The following CRYL1 variants were observed in gnomAD, a reference collection of about 807,000 sequenced individuals.
CRYL1 encodes the protein lambda-crystallin homolog.
A neutral mutation model predicts 36.6 loss-of-function variants in CRYL1; 29 were observed. That is an observed-to-expected ratio of 0.79 (90% CI 0.59 to 1.08). The LOEUF (loss-of-function observed/expected upper bound fraction) is 1.08. Ranked by LOEUF, CRYL1 falls within the 50% of genes least tolerant of loss-of-function variation. The probability of loss-of-function intolerance (pLI) is 0.00; values close to 1 mark genes in which losing one functional copy is unlikely to be tolerated. For synonymous variants in CRYL1, 152 were observed against 151.5 expected (o/e 1.00, Z -0.02); for missense variants, 411 against 407.9 (o/e 1.01, Z -0.06).
intron 1 of CRYL1, among the ~76,000 whole-genome samples, chr13:20,520,826 C>T (rs532108594): frequency 6.6e-6 from 1 of 152,248 alleles, no homozygotes; most frequent in Admixed American, 6.5e-5. Flanking sequence ...TGGACCCGGG[C>T]CGGGCACGGT....
intron 2 of CRYL1, among the ~76,000 whole-genome samples, chr13:20,490,057 T>A (rs1433073061): frequency 6.6e-6 from 1 of 152,142 alleles, no homozygotes; most frequent in African/African-American, 2.4e-5. Context: ...GGAAAAATAC[T>A]GTGTGATTCC....
Position 20,481,188 on chromosome 13 carries a change from C to T in CRYL1, c.276+8182G>A, listed in dbSNP as rs932576218. 6.6e-6 allele frequency among the ~76,000 whole-genome samples: 1 copy of T among 152,184 alleles called. No individual in the cohort carries two copies. On this transcript the variant is annotated intron_variant, in intron 3 of 7. Coordinates refer to ENST00000298248, the MANE Select transcript of CRYL1 (RefSeq NM_015974.3). The surrounding 1 kb of genome is among the most constrained non-coding windows in gnomAD (Gnocchi z 4.1). ...GAAGGCTCGTGCTTCCAGATGATCT[C>T]GTGAGTGTGTGAGGTGGGCTTGCCC...
At chr13:20,419,783 G>A (rs946758809) in intron 5 of CRYL1, among the ~76,000 whole-genome samples, 4 of 152,116 alleles carry the variant, frequency 2.6e-5, no homozygotes, top group African/African-American at 9.7e-5. Context: ...TTGGAATTAT[G>A]AGTTTGTTCC....
At chr13:20,426,853 C>T (rs932697375) in intron 5 of CRYL1, 13 of 985,416 alleles carry the variant, frequency 1.3e-5, no homozygotes, top group Middle Eastern at 5.2e-4. Context: ...CCCACCCTGA[C>T]AAATCAAGAG....
intron 3 of CRYL1, among the ~76,000 whole-genome samples, chr13:20,457,423 C>T (rs2032715218): frequency 6.6e-6 from 1 of 152,172 alleles, no homozygotes; most frequent in Non-Finnish European, 1.5e-5. Flanking sequence ...ATCCTGGCCA[C>T]ACCCTAATAA....
chr13:20,421,763 G>C (rs1342014201), intron 5 of CRYL1, among the ~76,000 whole-genome samples: 2 of 150,176 alleles, frequency 1.3e-5, no homozygotes, highest in African/African-American at 4.9e-5. Context: ...ATTGCTAGAA[G>C]GTGTTATAGT....
chr13:20,519,129 T>G (rs1050065663), intron 1 of CRYL1, among the ~76,000 whole-genome samples: 1 of 152,202 alleles, frequency 6.6e-6, no homozygotes, highest in Admixed American at 6.5e-5. Context: ...GGGTGAGATC[T>G]CTAAGAAAGT....
Position 20,525,798 on chromosome 13 carries a change from T to A in CRYL1, c.-4A>T. ...AGCCGGCCGCGGAGGACGCCATGGTTGGGCCGGGGACGCGGCGCCGCGGGC... is the reference window on the plus strand; with the variant it reads ...AGCCGGCCGCGGAGGACGCCATGGTAGGGCCGGGGACGCGGCGCCGCGGGC... On this transcript the variant is annotated 5_prime_UTR_variant, in exon 1 of 8. Coordinates refer to ENST00000298248, the MANE Select transcript of CRYL1 (RefSeq NM_015974.3). The surrounding 1 kb of genome is among the most constrained non-coding windows in gnomAD (Gnocchi z 4.3). 1 of 1,260,014 alleles carries A rather than the reference T, an allele frequency of 7.9e-7. No homozygotes were observed. The highest frequency in any genetic ancestry group is 1.0e-6 in the Non-Finnish European group (1 of 1,001,812). The allele number at this position is 1,260,014 out of a possible 1,614,324, so 78.1% of individuals were successfully genotyped here.
At chr13:20,507,956 C>G (rs1009924729) in intron 2 of CRYL1, among the ~76,000 whole-genome samples, 2 of 151,532 alleles carry the variant, frequency 1.3e-5, no homozygotes, top group South Asian at 4.2e-4. Context: ...AAAGTCCATG[C>G]CTGGCCAGGC....
chr13:20,404,083 A>G lies in CRYL1; in HGVS notation c.*46T>C. ...CTGATTAAGGGCTTGCAGTGTTCCCAAATAGGGCCTCCAATGAGAGGAGTG... is the reference window on the plus strand; with the variant it reads ...CTGATTAAGGGCTTGCAGTGTTCCCGAATAGGGCCTCCAATGAGAGGAGTG... On this transcript the variant is annotated 3_prime_UTR_variant, in exon 8 of 8. Coordinates refer to ENST00000298248, the MANE Select transcript of CRYL1 (RefSeq NM_015974.3). 7.3e-7 allele frequency: 1 copy of G among 1,364,198 alleles called. No individual in the cohort carries two copies. The highest frequency in any genetic ancestry group is 1.0e-6 in the Non-Finnish European group (1 of 953,226). 84.5% of individuals were successfully genotyped at this position (1,364,198 alleles called of 1,614,324 possible).
In CRYL1 at chr13:20,437,892, T is replaced by C. The variant is rs567583053; in HGVS notation, c.438+1701A>G. On this transcript the variant is annotated intron_variant, in intron 4 of 7. Coordinates refer to ENST00000298248, the MANE Select transcript of CRYL1 (RefSeq NM_015974.3). ...AGAAGCAAGAACATGGGTTAGAAATTAGGAGGCTGACAGCTTCCACTGAAG... is the reference window on the plus strand; with the variant it reads ...AGAAGCAAGAACATGGGTTAGAAATCAGGAGGCTGACAGCTTCCACTGAAG... 3.5e-4 allele frequency among the ~76,000 whole-genome samples: 53 copies of C among 152,290 alleles called. No individual in the cohort carries two copies. The South Asian group carries it at 0.011, about 30-fold the overall frequency.
chr13:20,420,701 T>TTTTTTTTTTTTTTTTTTTTTTTGTTTG, intron 5 of CRYL1, among the ~76,000 whole-genome samples: 1 of 21,840 alleles, frequency 4.6e-5, no homozygotes, highest in Non-Finnish European at 1.4e-4. Context: ...AAAATAGAGG[T>TTTTTTTTTTTTTTTTTTTTTTTGTTTG]TGTGTGTGTG....
chr13:20,419,828 T>C (rs998138495), intron 5 of CRYL1, among the ~76,000 whole-genome samples: 2 of 152,174 alleles, frequency 1.3e-5, no homozygotes, highest in East Asian at 3.9e-4. Flanking sequence ...CATGTTTTCG[T>C]TTTCTATACT....
chr13:20,507,752 A>G (rs1457831923), intron 2 of CRYL1, among the ~76,000 whole-genome samples: 25 of 151,908 alleles, frequency 1.6e-4, no homozygotes, highest in African/African-American at 5.8e-4. Context: ...CCCCGTCTCT[A>G]CTAAAAATAT....
intron 3 of CRYL1, among the ~76,000 whole-genome samples, chr13:20,460,625 A>G (rs113910387): frequency 0.038 from 5,267 of 139,276 alleles, 345 homozygotes; most frequent in African/African-American, 0.13. Context: ...ACCCGGGTTC[A>G]CGCCATTCTC....
chr13:20,467,210 G>T (rs1397429816), intron 3 of CRYL1, among the ~76,000 whole-genome samples: 2 of 151,774 alleles, frequency 1.3e-5, no homozygotes, highest in Admixed American at 6.6e-5. Context: ...GCCTCCCAAA[G>T]TGCTGGGATT....
chr13:20,475,178 C>T (rs1407053208), intron 3 of CRYL1, among the ~76,000 whole-genome samples: 6 of 152,122 alleles, frequency 3.9e-5, no homozygotes, highest in South Asian at 2.1e-4. Flanking sequence ...GGGAGCCATC[C>T]GCCACCTCAG....
At chr13:20,448,411 T>G (rs1281626777) in intron 3 of CRYL1, among the ~76,000 whole-genome samples, 1 of 152,128 alleles carries the variant, frequency 6.6e-6, no homozygotes, top group Non-Finnish European at 1.5e-5. Flanking sequence ...ATTCCAAAAC[T>G]AATGAGAGTA....
In CRYL1 at chr13:20,425,187, C is replaced by A. The variant is rs997858722; in HGVS notation, c.633+6915G>T. 1.3e-5 allele frequency among the ~76,000 whole-genome samples: 2 copies of A among 152,226 alleles called. No individual in the cohort carries two copies. Among genetic ancestry groups the A allele is most frequent in the Non-Finnish European group, 2.9e-5 (2 of 68,034 alleles). ...TTCCCCAGAAAAGCTGCCAGCAGGA[C>A]CCCGTCTCCTGTTGGCGGTGGCTCC... On this transcript the variant is annotated intron_variant, in intron 5 of 7. Transcript: ENST00000298248. This position sits in a 1 kb window ranked among gnomAD's most constrained non-coding sequence, Gnocchi z 4.4.
Sources: gnomAD v4.1 joint callset for allele counts (sites outside exome capture counted in the v4.1 genomes callset) on GRCh38, gnomAD v4.1.1 for gene constraint, Gnocchi (gnomAD v3.1) non-coding constraint, MANE v1.5 for transcripts, NCBI Gene and HGNC (gene_info 2026-07-23, HGNC 2026-07-21) for gene names.